CPED1: variants seen among roughly 807,000 people sequenced by gnomAD.
The protein encoded by CPED1 is cadherin-like and PC-esterase domain-containing protein 1.
In CPED1, 114 loss-of-function variants were observed where a neutral mutation model predicts 128.2. The observed-to-expected ratio is 0.89, with a 90% confidence interval of 0.76 to 1.04. The LOEUF (loss-of-function observed/expected upper bound fraction) is 1.04, where lower values mean the gene tolerates loss of function less well. CPED1 is among the 50% of genes least tolerant of loss of function. The pLI is 0.00. For synonymous variants in CPED1, 462 were observed against 426.7 expected, an observed-to-expected ratio of 1.08 and a Z score of -1.02; for missense variants, 1,211 against 1,207.1, an observed-to-expected ratio of 1.00 and a Z score of -0.05.
intron 3 of CPED1, among the ~76,000 whole-genome samples, chr7:121,017,746 A>T (rs939971152): frequency 6.6e-6 from 1 of 152,122 alleles, no homozygotes; most frequent in African/African-American, 2.4e-5. Context: ...CTTTCCCTTG[A>T]TGTTCTTGGG....
chr7:121,137,360 A>G (rs1391454871), intron 14 of CPED1, among the ~76,000 whole-genome samples: 1 of 151,968 alleles, frequency 6.6e-6, no homozygotes, highest in African/African-American at 2.4e-5. Flanking sequence ...TTGTATAGAA[A>G]GGAGGTCTTG....
At chr7:121,116,634 T>C (rs891174160) in intron 7 of CPED1, among the ~76,000 whole-genome samples, 1 of 152,098 alleles carries the variant, frequency 6.6e-6, no homozygotes, top group African/African-American at 2.4e-5. Flanking sequence ...TCTTCTGGAT[T>C]TCAGGGTCCA....
At chr7:121,291,737 C>A (rs532409810) in intron 22 of CPED1, among the ~76,000 whole-genome samples, 141 of 152,270 alleles carry the variant, frequency 9.3e-4, no homozygotes, top group Non-Finnish European at 1.7e-3. Context: ...ACACTCATGT[C>A]ATCAGCAAAC....
chr7:121,011,779 G>A (rs1792167770), intron 2 of CPED1, among the ~76,000 whole-genome samples: 1 of 151,984 alleles, frequency 6.6e-6, no homozygotes, highest in African/African-American at 2.4e-5. Context: ...CTCCTGTAGA[G>A]GAAAACATAT....
intron 7 of CPED1, among the ~76,000 whole-genome samples, chr7:121,117,858 GA>G (rs1346350980): frequency 6.6e-6 from 1 of 151,296 alleles, no homozygotes; most frequent in Non-Finnish European, 1.5e-5. Flanking sequence ...CTCTTCAGAA[GA>G]AAGACCAGCT....
At chr7:121,217,687 AAC>A (rs1222023387) in intron 16 of CPED1, among the ~76,000 whole-genome samples, 1 of 152,050 alleles carries the variant, frequency 6.6e-6, no homozygotes, top group East Asian at 1.9e-4. Flanking sequence ...TTCAACAGTT[AAC>A]ACAATGATTC....
At chr7:121,258,196 A>G (rs1791928292) in intron 18 of CPED1, among the ~76,000 whole-genome samples, 1 of 152,096 alleles carries the variant, frequency 6.6e-6, no homozygotes, top group African/African-American at 2.4e-5. Context: ...CTGAACACTT[A>G]AAAAGTTAAC....
Position 121,266,447 on chromosome 7 carries a change from G to T in CPED1, c.2531G>T (p.Arg844Ile), listed in dbSNP as rs2116746091. The change falls in exon 19 of 23, where the codon AGA becomes ATA. Residue 844 changes from arginine (R) to isoleucine (I), a missense_variant and splice_region_variant. Coordinates refer to ENST00000310396, the MANE Select transcript of CPED1 (RefSeq NM_024913.5). ...FENALEHLLQ[R>I]SRPLENTGQT... is the part of the protein sequence containing the mutation. ...AATGCACTTGAACACCTCTTGCAAA[G>T]GTACAATGAAACTATAATGAAAGAC... 1.9e-6 allele frequency: 3 copies of T among 1,608,994 alleles called. No homozygotes were observed. The highest frequency in any genetic ancestry group is 2.6e-6 in the Non-Finnish European group (3 of 1,175,828).
chr7:121,116,107 A>G (rs1360536649), intron 7 of CPED1, among the ~76,000 whole-genome samples: 1 of 152,174 alleles, frequency 6.6e-6, no homozygotes, highest in Admixed American at 6.5e-5. Context: ...ATTCCCTTAT[A>G]TGCTTGTGGG....
intron 3 of CPED1, among the ~76,000 whole-genome samples, chr7:121,042,638 A>G (rs901193529): frequency 2.6e-5 from 4 of 152,158 alleles, no homozygotes; most frequent in African/African-American, 9.7e-5. Context: ...TCTTCCCACC[A>G]CTAACTGGAA....
chr7:121,283,618 CTG>C (rs1258692399), intron 22 of CPED1, among the ~76,000 whole-genome samples: 1 of 152,198 alleles, frequency 6.6e-6, no homozygotes, highest in African/African-American at 2.4e-5. Flanking sequence ...CATGTTGGAA[CTG>C]TAACTCTGTG....
At chr7:121,200,056 A>G (rs936470150) in intron 16 of CPED1, among the ~76,000 whole-genome samples, 1 of 152,128 alleles carries the variant, frequency 6.6e-6, no homozygotes, top group Admixed American at 6.6e-5. Flanking sequence ...GTGGCTCATT[A>G]CTACCATATT....
chr7:121,079,231 C>T (rs934090914), intron 5 of CPED1, among the ~76,000 whole-genome samples: 3 of 151,994 alleles, frequency 2.0e-5, no homozygotes, highest in Admixed American at 6.6e-5. Context: ...CAGAAGGCTG[C>T]GAGTAGCAGA....
intron 22 of CPED1, among the ~76,000 whole-genome samples, chr7:121,290,107 T>A (rs1023001176): frequency 2.3e-4 from 35 of 152,204 alleles, no homozygotes; most frequent in African/African-American, 8.0e-4. Context: ...GTTGCCAGCT[T>A]CATCCATGTC....
At chr7:121,250,352 G>A (rs1193491402) in intron 18 of CPED1, among the ~76,000 whole-genome samples, 1 of 151,538 alleles carries the variant, frequency 6.6e-6, no homozygotes, top group East Asian at 1.9e-4. Flanking sequence ...AGCACTAAAT[G>A]CCCACAAGAG....
In CPED1 at chr7:121,015,727, T is replaced by C; in HGVS notation, c.312T>C (p.Pro104=). 1 of 1,611,856 alleles carries C rather than the reference T, an allele frequency of 6.2e-7. No homozygotes were observed. Among genetic ancestry groups the C allele is most frequent in the East Asian group, 2.2e-5 (1 of 44,762 alleles). Residue 104 remains proline, a synonymous_variant, in exon 3 of 23, where the codon CCT becomes CCC. Transcript: ENST00000310396. ...GCCGAAGGGCCATACTCTACAGGCC[T>C]CCTTTCTACAGCAAAACAGAGCTTC... ...SHGRRAILYR[P]PFYSKTELQL...
chr7:121,072,185 C>CA (rs11318194), intron 5 of CPED1, among the ~76,000 whole-genome samples: 113,982 of 139,224 alleles, frequency 0.82, 47,815 homozygotes, highest in East Asian at 0.94. Context: ...TTTTCCTATA[C>CA]AAAAAAAAAA....
Position 121,115,227 on chromosome 7 carries a change from A to C in CPED1, c.919-9104A>C, listed in dbSNP as rs186664803. Among the ~76,000 whole-genome samples, 316 of 152,342 alleles carry C rather than the reference A, an allele frequency of 2.1e-3. 2 individuals are homozygous for C. Among genetic ancestry groups the C allele is most frequent in the Middle Eastern group, 6.8e-3 (2 of 294 alleles). ...TATTTGACCAGATGCTAAATCATGAACTTTTAAATTATGCATAATTAAGCA... is the reference window on the plus strand; with the variant it reads ...TATTTGACCAGATGCTAAATCATGACCTTTTAAATTATGCATAATTAAGCA... On this transcript the variant is annotated intron_variant, in intron 7 of 22. Coordinates refer to ENST00000310396, the MANE Select transcript of CPED1 (RefSeq NM_024913.5).
chr7:121,152,980 G>A (rs769906304), intron 16 of CPED1, among the ~76,000 whole-genome samples: 19 of 152,076 alleles, frequency 1.2e-4, no homozygotes, highest in Non-Finnish European at 2.2e-4. Flanking sequence ...TTTTATTAGC[G>A]GTCTCAGAAG....
Sources: allele counts gnomAD v4.1 joint callset (sites outside exome capture counted in the v4.1 genomes callset), GRCh38; gene constraint gnomAD v4.1.1; transcripts MANE v1.5; gene names NCBI Gene and HGNC (gene_info 2026-07-23, HGNC 2026-07-21).